Variants in RBFOX1 observed in about 807,000 individuals in gnomAD.
RBFOX1 encodes RNA binding protein fox-1 homolog 1.
In RBFOX1, 8 loss-of-function variants were observed where a neutral mutation model predicts 57.7. The ratio of observed to expected loss-of-function variants is 0.14; its 90% confidence interval spans 0.08 to 0.25. The LOEUF is 0.25. Among genes scored for constraint, RBFOX1 ranks in the 10% least tolerant of loss-of-function variants. RBFOX1 has a pLI of 1.00. For synonymous variants in RBFOX1, 326 were observed against 222.4 expected, an observed-to-expected ratio of 1.47 and a Z score of -4.15; for missense variants, 611 against 548.5, an observed-to-expected ratio of 1.11 and a Z score of -1.14.
rs71280731 is a variant in RBFOX1 at position 7,086,721 on chromosome 16, T to TACACACACACACACACACACACACAG, written c.27+34643_27+34644insACACAGACACACACACACACACACAC. Among the ~76,000 whole-genome samples the TACACACACACACACACACACACACAG allele has an allele frequency of 1.9e-3, 283 of 149,580 alleles. 1 individual carries two copies. The highest frequency in any genetic ancestry group is 6.5e-3 in the African/African-American group (264 of 40,348). ...GCAAAGAGAGGGAGGGAAGAATGTA[T>TACACACACACACACACACACACACAG]ACACACACACACACACACACTTTAA... On this transcript the variant is annotated intron_variant, in intron 4 of 15. Transcript: ENST00000550418.
At chr16:6,974,861 C>T (rs1021693507) in intron 3 of RBFOX1, among the ~76,000 whole-genome samples, 1 of 152,054 alleles carries the variant, frequency 6.6e-6, no homozygotes, top group South Asian at 2.1e-4. Flanking sequence ...TTCAGTGCTC[C>T]CTGGAAGGTG....
intron 4 of RBFOX1, among the ~76,000 whole-genome samples, chr16:7,327,746 T>TGGAGATCTC (rs2096629784): frequency 1.3e-5 from 2 of 152,170 alleles, no homozygotes; most frequent in South Asian, 4.1e-4. Flanking sequence ...TGCCTAGATC[T>TGGAGATCTC]TCCAGTGTTT....
intron 1 of RBFOX1, among the ~76,000 whole-genome samples, chr16:6,271,019 A>G (rs771053054): frequency 2.6e-5 from 4 of 152,224 alleles, no homozygotes; most frequent in South Asian, 4.1e-4. Flanking sequence ...ATACATCACA[A>G]TTTGTGGGAC....
At chr16:5,391,890 T>TACACACAC (rs746461930) in intron 1 of RBFOX1, among the ~76,000 whole-genome samples, 32 of 147,186 alleles carry the variant, frequency 2.2e-4, no homozygotes, top group African/African-American at 7.8e-4. Flanking sequence ...TGTGTGTGTA[T>TACACACAC]ACACACACAC....
chr16:5,485,417 T>C (rs1052003674), intron 2 of RBFOX1, among the ~76,000 whole-genome samples: 2 of 143,894 alleles, frequency 1.4e-5, no homozygotes, highest in African/African-American at 2.6e-5. Context: ...TCCAAGTGCA[T>C]GCATACCAAG....
chr16:7,603,324 C>T (rs1758328168), intron 9 of RBFOX1, among the ~76,000 whole-genome samples: 1 of 152,170 alleles, frequency 6.6e-6, no homozygotes, highest in South Asian at 2.1e-4. Context: ...GGAATGCTTA[C>T]TTTGCCAAAC....
rs139147927 is a variant in RBFOX1 at position 6,130,299 on chromosome 16, T to C, written c.-127+110307T>C. Among the ~76,000 whole-genome samples the C allele has an allele frequency of 2.7e-4, 41 of 152,278 alleles. 1 individual carries two copies. In the East Asian group the frequency reaches 7.5e-3, roughly 28 times the overall value. Reference sequence around the variant, plus strand: ...AAATACAGTTTTATTATAGTTTTTATATTTTAACAGAAGCCACATAATATG... The same window carrying C: ...AAATACAGTTTTATTATAGTTTTTACATTTTAACAGAAGCCACATAATATG... On this transcript the variant is annotated intron_variant, in intron 1 of 15. Transcript: ENST00000550418.
At chr16:7,580,412 A>G (rs1175243228) in intron 6 of RBFOX1, among the ~76,000 whole-genome samples, 1 of 152,242 alleles carries the variant, frequency 6.6e-6, no homozygotes, top group African/African-American at 2.4e-5. Flanking sequence ...CTACTTCTGC[A>G]TAAAGCTGAT....
At chr16:7,347,295 G>C (rs1430534823) in intron 4 of RBFOX1, among the ~76,000 whole-genome samples, 1 of 152,182 alleles carries the variant, frequency 6.6e-6, no homozygotes, top group Non-Finnish European at 1.5e-5. Context: ...ACAGTTCCAG[G>C]TGGCTGGGGA....
At chr16:6,103,544 C>T (rs903156213) in intron 1 of RBFOX1, among the ~76,000 whole-genome samples, 4 of 152,036 alleles carry the variant, frequency 2.6e-5, no homozygotes, top group Non-Finnish European at 5.9e-5. Flanking sequence ...TCATACAAAG[C>T]CATGAACAAG....
chr16:5,300,819 T>C (rs2063784321), intron 1 of RBFOX1, among the ~76,000 whole-genome samples: 1 of 152,234 alleles, frequency 6.6e-6, no homozygotes, highest in African/African-American at 2.4e-5. Context: ...TTTTGAAAAG[T>C]AAAATGTCGT....
chr16:5,952,792 T>G (rs1056410874), intron 4 of RBFOX1, among the ~76,000 whole-genome samples: 2 of 152,066 alleles, frequency 1.3e-5, no homozygotes, highest in Non-Finnish European at 2.9e-5. Flanking sequence ...CTGGGAGAGT[T>G]TCTCCAGGAC....
At chr16:5,806,607 C>T (rs2055236252) in intron 3 of RBFOX1, among the ~76,000 whole-genome samples, 1 of 152,172 alleles carries the variant, frequency 6.6e-6, no homozygotes, top group Non-Finnish European at 1.5e-5. Flanking sequence ...TGCAAGTCTG[C>T]TTTGCTGTTC....
chr16:5,350,033 C>G (rs2065228758), intron 1 of RBFOX1, among the ~76,000 whole-genome samples: 1 of 152,214 alleles, frequency 6.6e-6, no homozygotes, highest in African/African-American at 2.4e-5. Context: ...TGTAATTTGG[C>G]TTTAATAGAA....
intron 3 of RBFOX1, chr16:6,748,809 C>T (rs1451636165): frequency 6.6e-6 from 1 of 152,002 alleles, no homozygotes; most frequent in Non-Finnish European, 1.5e-5. Flanking sequence ...ACCTTTCATT[C>T]TATAAGATTT....
rs774152336 is a variant in RBFOX1, at chr16:7,558,129, A to G, written c.271-21648A>G. 6.9e-4 allele frequency among the ~76,000 whole-genome samples: 105 copies of G among 152,098 alleles called. 2 individuals are homozygous for G. The highest frequency in any genetic ancestry group is 5.7e-4 in the Non-Finnish European group (39 of 68,024). On this transcript the variant is annotated intron_variant, in intron 5 of 15. Coordinates refer to ENST00000550418, the MANE Select transcript of RBFOX1 (RefSeq NM_018723.4). ...CAGCACTTTGGGGGGCCGAGGTGGT[A>G]GATCACTGGAACCCAGGAGTTCAAG...
intron 3 of RBFOX1, among the ~76,000 whole-genome samples, chr16:6,767,587 T>C (rs1325610588): frequency 6.6e-6 from 1 of 152,056 alleles, no homozygotes; most frequent in Non-Finnish European, 1.5e-5. Flanking sequence ...TGTGACAGTA[T>C]AAATCTTTCA....
At chr16:5,791,805 T>G (rs1248636835) in intron 3 of RBFOX1, among the ~76,000 whole-genome samples, 2 of 152,188 alleles carry the variant, frequency 1.3e-5, no homozygotes, top group Admixed American at 6.5e-5. Flanking sequence ...CTGAATATCC[T>G]TTGCTTGGTT....
At chr16:6,553,256 A>C (rs1220344065) in intron 2 of RBFOX1, among the ~76,000 whole-genome samples, 3 of 152,224 alleles carry the variant, frequency 2.0e-5, no homozygotes, top group Non-Finnish European at 2.9e-5. Flanking sequence ...ATAAATCAAT[A>C]GTTTCCATGA....
Sources: gnomAD v4.1 joint callset for allele counts (sites outside exome capture counted in the v4.1 genomes callset) on GRCh38, gnomAD v4.1.1 for gene constraint, MANE v1.5 for transcripts, NCBI Gene and HGNC (gene_info 2026-07-23, HGNC 2026-07-21) for gene names.